OAF: variants seen among roughly 807,000 people sequenced by gnomAD.
OAF encodes out at first protein homolog.
OAF carries 13 observed loss-of-function variants against 22.5 expected under a neutral mutation model. That is an observed-to-expected ratio of 0.58 (90% CI 0.38 to 0.92). OAF has a LOEUF of 0.92. OAF is among the 40% of genes least tolerant of loss of function. The pLI is 0.00. For synonymous variants in OAF, 175 were observed against 170.5 expected (o/e 1.03, Z -0.21); for missense variants, 347 against 381.8 (o/e 0.91, Z 0.76).
chr11:120,217,738 G>A (rs1486313348), intron 1 of OAF, among the ~76,000 whole-genome samples: 1 of 152,186 alleles, frequency 6.6e-6, no homozygotes, highest in African/African-American at 2.4e-5. Context: ...GATGCTTGGG[G>A]TTCAGTGTGC....
chr11:120,220,236 C>G (rs1469339017), intron 1 of OAF, among the ~76,000 whole-genome samples: 1 of 152,154 alleles, frequency 6.6e-6, no homozygotes, highest in Non-Finnish European at 1.5e-5. Context: ...CCAGTGACTT[C>G]CAGAGAGGCA....
chr11:120,228,695 C>A (rs1028008494), intron 3 of OAF, among the ~76,000 whole-genome samples, 173 bp from the exon 4 acceptor site: 1 of 152,156 alleles, frequency 6.6e-6, no homozygotes, highest in Non-Finnish European at 1.5e-5. Flanking sequence ...AAGGAGGAGC[C>A]TAGTAACCAG....
intron 1 of OAF, among the ~76,000 whole-genome samples, chr11:120,211,905 T>C (rs1938154389): frequency 1.1e-5 from 1 of 91,950 alleles, no homozygotes; most frequent in Non-Finnish European, 3.1e-5. Context: ...AGCAAGCCTC[T>C]TTCCTCCTAT....
Position 120,229,149 on chromosome 11 carries a change from A to G in OAF, c.*7A>G. On this transcript the variant is annotated 3_prime_UTR_variant, in exon 4 of 4. Transcript: ENST00000328965. The stretch of plus-strand genomic sequence containing the variant: ...GGATCCCTACCCAGGCTAGGGTGGG[A>G]GCAACCTGGCGGGTGGCTGCTCTGG... The G allele has an allele frequency of 6.2e-7, 1 of 1,605,884 alleles. No homozygotes were observed. Among genetic ancestry groups the G allele is most frequent in the Non-Finnish European group, 8.5e-7 (1 of 1,174,448 alleles).
At chr11:120,228,312 T>C (rs1938389347) in intron 3 of OAF, among the ~76,000 whole-genome samples, 2 of 152,170 alleles carry the variant, frequency 1.3e-5, no homozygotes, top group African/African-American at 4.8e-5. Context: ...CTCAAACTCC[T>C]GGCCTCAGGT....
intron 3 of OAF, among the ~76,000 whole-genome samples, chr11:120,227,297 G>T (rs1009105676): frequency 6.6e-6 from 1 of 152,158 alleles, no homozygotes; most frequent in Non-Finnish European, 1.5e-5. Context: ...CCCAAACCAG[G>T]CTACAGTTGG....
chr11:120,228,833 TC>T, intron 3 of OAF, 34 bp from the exon 4 acceptor site: 1 of 267,666 alleles, frequency 3.7e-6, no homozygotes, highest in Admixed American at 3.8e-5. Flanking sequence ...CCTCCCTCCC[TC>T]CCTCCCTCCC....
intron 2 of OAF, among the ~76,000 whole-genome samples, chr11:120,226,495 A>C (rs1938358755): frequency 6.6e-6 from 1 of 152,166 alleles, no homozygotes; most frequent in Non-Finnish European, 1.5e-5. Flanking sequence ...CAGAGGTCAT[A>C]TGCCCTGGCA....
chr11:120,211,566 C>T (rs908923708), intron 1 of OAF, 56 bp downstream of exon 1: 1 of 1,251,136 alleles, frequency 8.0e-7, no homozygotes, highest in African/African-American at 1.6e-5. Flanking sequence ...CCCCGGGATC[C>T]CAGGCGCTCT....
In OAF at chr11:120,211,355, A is replaced by G. The variant is rs1938141957; in HGVS notation, c.76A>G (p.Thr26Ala). 6.9e-7 allele frequency: 1 copy of G among 1,441,622 alleles called. No homozygotes were observed. The highest frequency in any genetic ancestry group is 9.2e-7 in the Non-Finnish European group (1 of 1,089,100). The allele number at this position is 1,441,622 out of a possible 1,614,324, so 89.3% of individuals were successfully genotyped here. A position where few individuals can be genotyped will look rare whatever the true frequency, so the allele number is the denominator to read the frequency against. ...LLPLLAPLLG[T>A]GAPAELRVRV... ...GCCGCTGCTCGCGCCGCTGCTGGGA[A>G]CGGGTGCGCCGGCCGAGCTGCGGGT... The change falls in exon 1 of 4, where the codon ACG (threonine) becomes GCG (alanine). Residue 26 changes from threonine (T) to alanine (A), a missense_variant. Physicochemically the swap from Thr to Ala is moderately conservative, Grantham distance 58. Coordinates refer to ENST00000328965, the MANE Select transcript of OAF (RefSeq NM_178507.4).
At position 120,226,849 on chromosome 11, in the gene OAF, G is replaced by A. The variant is rs750002128; in HGVS notation, c.400G>A (p.Val134Ile). Residue 134 changes from valine (V) to isoleucine (I), a missense_variant, in exon 3 of 4, where the codon GTT becomes ATT. Physicochemically the swap from Val to Ile is conservative, Grantham distance 29 (BLOSUM62 3). Coordinates refer to ENST00000328965, the MANE Select transcript of OAF (RefSeq NM_178507.4). ...NPRAVRQAEE[V>I]RGLEHLHMDV... is the part of the protein sequence containing the mutation. ...CCGGGCAGTGCGGCAGGCGGAGGAG[G>A]TTCGGGGTCTGGAGCATCTGCACAT... is the stretch of plus-strand genomic sequence containing the variant. 6.2e-7 allele frequency: 1 copy of A among 1,607,690 alleles called. No individual in the cohort carries two copies.
At chr11:120,227,045 CAG>C in intron 3 of OAF, 49 bp downstream of exon 3, 1 of 1,403,576 alleles carries the variant, frequency 7.1e-7, no homozygotes, top group Non-Finnish European at 9.9e-7. Flanking sequence ...GGGAAGGGGA[CAG>C]GGAGACAGCA....
rs776704007 is a variant in OAF, at chr11:120,225,810, A to T, written c.366+15A>T. ...AGCTCCGGCAGGTAAGTGCCCCACC[A>T]GGCCTGCCTGGCCCAGGTCCTGACC... On this transcript the variant is annotated intron_variant, in intron 2 of 3. Coordinates refer to ENST00000328965, the MANE Select transcript of OAF (RefSeq NM_178507.4). 1.9e-6 allele frequency: 3 copies of T among 1,592,212 alleles called. No homozygotes were observed. Among genetic ancestry groups the T allele is most frequent in the Non-Finnish European group, 2.6e-6 (3 of 1,171,238 alleles).
intron 1 of OAF, among the ~76,000 whole-genome samples, chr11:120,218,119 G>A (rs377452611): frequency 6.6e-6 from 1 of 151,840 alleles, no homozygotes; most frequent in African/African-American, 2.4e-5. Flanking sequence ...TTTGGGATTC[G>A]GCTGACAGAG....
chr11:120,225,647 C>T lies in OAF; in HGVS notation c.232-14C>T, dbSNP rs1591360631. ...ACACCCTCCAGCCGTTCCCATCCTC[C>T]TGCCCTTCTTCAGGATGTGAAGGTC... On this transcript the variant is annotated splice_polypyrimidine_tract_variant and intron_variant, in intron 1 of 3. Transcript: ENST00000328965. 6.3e-7 allele frequency: 1 copy of T among 1,583,986 alleles called. No individual in the cohort carries two copies. Among genetic ancestry groups the T allele is most frequent in the Non-Finnish European group, 8.6e-7 (1 of 1,166,078 alleles).
In OAF at chr11:120,226,920, T is replaced by A. The variant is rs757941904; in HGVS notation, c.471T>A (p.His157Gln). Residue 157 changes from histidine to glutamine, a missense_variant, in exon 3 of 4, where the codon CAT becomes CAA. His to Gln is a conservative substitution (Grantham distance 24, BLOSUM62 0). Coordinates refer to ENST00000328965, the MANE Select transcript of OAF (RefSeq NM_178507.4). ...NFSQGALLSP[H>Q]LHNVCAEAVD... ...GCCAGGGGGCCCTGCTGAGCCCCCA[T>A]CTCCACAACGTGTGTGCCGAGGCCG... 3.0e-5 allele frequency: 48 copies of A among 1,612,510 alleles called. No homozygotes were observed. The South Asian group carries it at 4.1e-4, about 14-fold the overall frequency.
At chr11:120,217,802 G>A (rs530248821) in intron 1 of OAF, among the ~76,000 whole-genome samples, 6 of 152,366 alleles carry the variant, frequency 3.9e-5, no homozygotes, top group Admixed American at 3.3e-4. Flanking sequence ...CATGTGAGGA[G>A]TGAGGTGCCA....
In OAF at chr11:120,211,357, G is replaced by T; in HGVS notation, c.78G>T (p.Thr26=). The T allele has an allele frequency of 1.4e-6, 2 of 1,444,190 alleles. No homozygotes were observed. Among genetic ancestry groups the T allele is most frequent in the South Asian group, 1.3e-5 (1 of 74,418 alleles). 89.5% of individuals were successfully genotyped at this position (1,444,190 alleles called of 1,614,324 possible). The change falls in exon 1 of 4, where the codon ACG becomes ACT. Residue 26 remains threonine (T), a synonymous_variant. Transcript: ENST00000328965. ...LLPLLAPLLG[T]GAPAELRVRV... is the part of the protein sequence containing the mutation. ...CGCTGCTCGCGCCGCTGCTGGGAACGGGTGCGCCGGCCGAGCTGCGGGTCC... is the reference window on the plus strand; with the variant it reads ...CGCTGCTCGCGCCGCTGCTGGGAACTGGTGCGCCGGCCGAGCTGCGGGTCC...
At chr11:120,223,348 C>G (rs1938306585) in intron 1 of OAF, among the ~76,000 whole-genome samples, 1 of 152,166 alleles carries the variant, frequency 6.6e-6, no homozygotes, top group Non-Finnish European at 1.5e-5. Flanking sequence ...TTACCTAATC[C>G]AAGCTCGGTA....
Sources: allele counts gnomAD v4.1 joint callset (sites outside exome capture counted in the v4.1 genomes callset), GRCh38; gene constraint gnomAD v4.1.1; transcripts MANE v1.5; gene names NCBI Gene and HGNC (gene_info 2026-07-23, HGNC 2026-07-21).